PARP1: variants seen among roughly 807,000 people sequenced by gnomAD.
The protein encoded by PARP1 is poly(ADP-ribose) polymerase 1.
PARP1 carries 44 observed loss-of-function variants against 118.7 expected under a neutral mutation model. The observed-to-expected ratio is 0.37, with a 90% confidence interval of 0.29 to 0.48. The LOEUF is 0.48. Among genes scored for constraint, PARP1 ranks in the 20% least tolerant of loss-of-function variants. The probability of loss-of-function intolerance (pLI) is 0.99; values close to 1 mark genes in which losing one functional copy is unlikely to be tolerated. For missense variants in PARP1, 1,100 were observed against 1,272.4 expected, an observed-to-expected ratio of 0.86 and a Z score of 2.06; for synonymous variants, 492 against 483.2, an observed-to-expected ratio of 1.02 and a Z score of -0.24.
Position 226,367,036 on chromosome 1 carries a change from C to T in PARP1, c.2406+444G>A, listed in dbSNP as rs528588284. 344 of 269,030 alleles carry T rather than the reference C, an allele frequency of 1.3e-3. 2 individuals are homozygous for T. Among genetic ancestry groups the T allele is most frequent in the Non-Finnish European group, 1.9e-3 (261 of 139,110 alleles). 16.7% of individuals were successfully genotyped at this position (269,030 alleles called of 1,614,324 possible). A position where few individuals can be genotyped will look rare whatever the true frequency, so the allele number is the denominator to read the frequency against. On this transcript the variant is annotated intron_variant, in intron 17 of 22. Transcript: ENST00000366794. ...CTTCAGCACCAGAGAAAAATGAACG[C>T]AAGCATTGTGTTTTTATTACAGGTG...
At chr1:226,407,308 T>C (rs893154230) in intron 1 of PARP1, among the ~76,000 whole-genome samples, 1 of 151,204 alleles carries the variant, frequency 6.6e-6, no homozygotes, top group Non-Finnish European at 1.5e-5. Context: ...TTCTGCCTAA[T>C]TAAAATAAAA....
At chr1:226,407,017 T>A (rs1213824927) in intron 1 of PARP1, among the ~76,000 whole-genome samples, 3 of 151,976 alleles carry the variant, frequency 2.0e-5, no homozygotes, top group Non-Finnish European at 4.4e-5. Context: ...AAGGTAGACA[T>A]CGGCAAACTG....
At chr1:226,376,168 T>A (rs953543050) in intron 13 of PARP1, among the ~76,000 whole-genome samples, 3 of 152,152 alleles carry the variant, frequency 2.0e-5, no homozygotes, top group African/African-American at 7.2e-5. Flanking sequence ...CGAGACATGC[T>A]AGGCCTCAAA....
intron 19 of PARP1, 67 bp from the exon 20 acceptor site, chr1:226,364,137 G>A (rs537349272): frequency 1.0e-4 from 158 of 1,549,374 alleles, no homozygotes; most frequent in Admixed American, 3.0e-4. Context: ...TGTTCACTGA[G>A]TGCCAACTTG....
intron 3 of PARP1, 38 bp from the exon 4 acceptor site, chr1:226,390,662 A>C (rs1277356991): frequency 3.2e-6 from 5 of 1,584,370 alleles, no homozygotes; most frequent in Middle Eastern, 1.7e-4. Context: ...AGGGAGCGAC[A>C]AGCAAGGATA....
intron 7 of PARP1, among the ~76,000 whole-genome samples, chr1:226,383,696 T>C (rs1486725256): frequency 6.6e-6 from 1 of 152,246 alleles, no homozygotes; most frequent in Non-Finnish European, 1.5e-5. Flanking sequence ...CAGGGAGCCC[T>C]ATGGTATTCA....
intron 22 of PARP1, 157 bp downstream of exon 22, chr1:226,361,812 C>T (rs1201461665): frequency 2.9e-6 from 2 of 698,234 alleles, no homozygotes; most frequent in Non-Finnish European, 2.6e-6. Context: ...CCAGGCTATG[C>T]ACAGGGAGGG....
At chr1:226,378,884 CAA>C (rs1320072479) in intron 12 of PARP1, among the ~76,000 whole-genome samples, 1 of 152,090 alleles carries the variant, frequency 6.6e-6, no homozygotes. Context: ...AAACACCAAA[CAA>C]AAAGAAAAGC....
intron 2 of PARP1, chr1:226,401,943 T>C: frequency 7.0e-7 from 1 of 1,433,094 alleles, no homozygotes; most frequent in Non-Finnish European, 9.1e-7. Flanking sequence ...CTTTGCTTAC[T>C]TTTGCCATGA....
At chr1:226,365,910 G>A (rs1558233461) in intron 18 of PARP1, 44 bp downstream of exon 18, 2 of 1,308,162 alleles carry the variant, frequency 1.5e-6, no homozygotes, top group Non-Finnish European at 2.2e-6. Flanking sequence ...GCAGGGAAGA[G>A]CTGGCAGGAC....
chr1:226,397,552 T>A (rs977190584), intron 2 of PARP1, among the ~76,000 whole-genome samples: 1 of 152,178 alleles, frequency 6.6e-6, no homozygotes, highest in African/African-American at 2.4e-5. Flanking sequence ...TGGGGCCTGG[T>A]GGGAGGTCAC....
intron 9 of PARP1, 62 bp from the exon 10 acceptor site, chr1:226,380,226 A>G: frequency 6.6e-7 from 1 of 1,511,172 alleles, no homozygotes. Flanking sequence ...GAAACTTCAA[A>G]TTACTACAGT....
Position 226,360,930 on chromosome 1 carries a change from C to A in PARP1, c.*530G>T. 1 of 229,082 alleles carries A rather than the reference C, an allele frequency of 4.4e-6. No homozygotes were observed. Among genetic ancestry groups the A allele is most frequent in the Admixed American group, 5.4e-5 (1 of 18,352 alleles). 14.2% of individuals were successfully genotyped at this position (229,082 alleles called of 1,614,324 possible). ...GTTCCTTCCTTTGGTCTTCCCACACCCCTCACCACAAGAGGCAAACAAAAA... is the reference window on the plus strand; with the variant it reads ...GTTCCTTCCTTTGGTCTTCCCACACACCTCACCACAAGAGGCAAACAAAAA... On this transcript the variant is annotated 3_prime_UTR_variant, in exon 23 of 23. Transcript: ENST00000366794.
chr1:226,377,781 G>A (rs1220361393), intron 12 of PARP1, among the ~76,000 whole-genome samples: 1 of 152,178 alleles, frequency 6.6e-6, no homozygotes, highest in Non-Finnish European at 1.5e-5. Flanking sequence ...AGAGATGCAG[G>A]CTGTCATGTT....
intron 2 of PARP1, among the ~76,000 whole-genome samples, chr1:226,401,276 C>G (rs2793380): frequency 0.44 from 67,318 of 152,136 alleles, 16,384 homozygotes; most frequent in East Asian, 0.81. Context: ...AGAGCGAGCT[C>G]GTGGTAGAAG....
Position 226,401,347 on chromosome 1 carries a change from T to C in PARP1, c.286+867A>G, listed in dbSNP as rs1665032098. Among the ~76,000 whole-genome samples the C allele has an allele frequency of 2.0e-5, 3 of 152,252 alleles. No individual in the cohort carries two copies. The South Asian group carries it at 6.2e-4, about 31-fold the overall frequency. ...TGTGACTGCTCCTGCAGAGCAGGGC[T>C]ACCCCACAGGCACTGTGCTGAGAGC... is the stretch of plus-strand genomic sequence containing the variant. On this transcript the variant is annotated intron_variant, in intron 2 of 22. Coordinates refer to ENST00000366794, the MANE Select transcript of PARP1 (RefSeq NM_001618.4).
intron 1 of PARP1, among the ~76,000 whole-genome samples, chr1:226,405,896 G>A (rs1420706614): frequency 2.0e-5 from 3 of 152,100 alleles, no homozygotes; most frequent in Admixed American, 2.0e-4. Flanking sequence ...TGCATGGATC[G>A]CTTGAGCTCA....
At chr1:226,380,434 G>A (rs1232492217) in intron 9 of PARP1, among the ~76,000 whole-genome samples, 2 of 152,168 alleles carry the variant, frequency 1.3e-5, no homozygotes, top group Non-Finnish European at 2.9e-5. Flanking sequence ...TGTCAAATAT[G>A]TATGGGAAAT....
intron 2 of PARP1, among the ~76,000 whole-genome samples, chr1:226,394,549 T>C (rs2102743190): frequency 6.6e-6 from 1 of 152,330 alleles, no homozygotes; most frequent in Non-Finnish European, 1.5e-5. Flanking sequence ...ACTGTACAGG[T>C]GCGTGGGATG....
Sources: gnomAD v4.1 joint callset for allele counts (sites outside exome capture counted in the v4.1 genomes callset) on GRCh38, gnomAD v4.1.1 for gene constraint, MANE v1.5 for transcripts, NCBI Gene and HGNC (gene_info 2026-07-23, HGNC 2026-07-21) for gene names.